The following KIF5C variants were observed in gnomAD, a reference collection of about 807,000 sequenced individuals.
KIF5C encodes the protein kinesin family member 5C, also known as kinesin heavy chain isoform 5C.
KIF5C carries 18 observed loss-of-function variants against 125.2 expected under a neutral mutation model. The ratio of observed to expected loss-of-function variants is 0.14; its 90% CI spans 0.10 to 0.21. The LOEUF (loss-of-function observed/expected upper bound fraction) is 0.21. Among genes scored for constraint, KIF5C ranks in the 10% least tolerant of loss-of-function variants. KIF5C has a pLI of 1.00. For missense variants in KIF5C, 780 were observed against 1,183.8 expected (o/e 0.66, Z 5.01); for synonymous variants, 405 against 434.0 (o/e 0.93, Z 0.83).
chr2:149,008,991 G>GTT (rs200099380), intron 23 of KIF5C, among the ~76,000 whole-genome samples: 57 of 134,362 alleles, frequency 4.2e-4, no homozygotes, highest in African/African-American at 6.1e-4. Context: ...TTTTTTTAAT[G>GTT]TTTTTTTTTT....
Position 149,011,603 on chromosome 2 carries a change from C to T in KIF5C, c.2801C>T (p.Ser934Leu), listed in dbSNP as rs1682199458. 6.2e-7 allele frequency: 1 copy of T among 1,614,094 alleles called. No individual in the cohort carries two copies. Among genetic ancestry groups the T allele is most frequent in the Non-Finnish European group, 8.5e-7 (1 of 1,179,902 alleles). ...ATCCGCCCCGGACACTACCCGGCCT[C>T]ATCTCCAACGGCCGTCCATGCCATT... is the stretch of plus-strand genomic sequence containing the variant. ...KPIRPGHYPASSPTAVHAIRG... is the reference protein window; with the variant it reads ...KPIRPGHYPALSPTAVHAIRG... Residue 934 changes from serine (S) to leucine (L), a missense_variant, in exon 25 of 26, where the codon TCA (serine) becomes TTA (leucine). By Grantham distance (145) the Ser-to-Leu change is moderately radical. Coordinates refer to ENST00000435030, the MANE Select transcript of KIF5C (RefSeq NM_004522.3).
At chr2:148,954,100 T>C (rs1432720575) in intron 10 of KIF5C, among the ~76,000 whole-genome samples, 1 of 148,132 alleles carries the variant, frequency 6.8e-6, no homozygotes, top group Non-Finnish European at 1.5e-5. Context: ...CTCCCACTTA[T>C]GAGTGAGAAC....
intron 1 of KIF5C, among the ~76,000 whole-genome samples, chr2:148,885,021 A>C (rs1397464013): frequency 6.9e-6 from 1 of 144,198 alleles, no homozygotes; most frequent in Non-Finnish European, 1.5e-5. Context: ...CCCAGGCTGG[A>C]GTGCAATGGC....
chr2:148,965,433 A>G (rs1306897963), intron 11 of KIF5C, among the ~76,000 whole-genome samples: 1 of 152,160 alleles, frequency 6.6e-6, no homozygotes, highest in East Asian at 1.9e-4. Context: ...TTTCCTCCCC[A>G]GCTAACATTT....
intron 12 of KIF5C, among the ~76,000 whole-genome samples, chr2:148,974,227 T>C (rs1200132574): frequency 6.6e-6 from 1 of 152,254 alleles, no homozygotes; most frequent in Non-Finnish European, 1.5e-5. Context: ...GATCTTGGCA[T>C]GTTGCCCTTG....
Position 149,025,969 on chromosome 2 carries a change from G to A in KIF5C, c.*2899G>A, listed in dbSNP as rs1682677603. On this transcript the variant is annotated 3_prime_UTR_variant, in exon 26 of 26. Transcript: ENST00000435030. The stretch of plus-strand genomic sequence containing the variant: ...AGAAATCAGAATTTATAGATATATT[G>A]GGATAAATGAAGAAATAAAAATGTT... 1 of 152,542 alleles carries A rather than the reference G, an allele frequency of 6.6e-6. No homozygotes were observed. The highest frequency in any genetic ancestry group is 2.1e-4 in the South Asian group (1 of 4,826). 9.4% of individuals were successfully genotyped at this position (152,542 alleles called of 1,614,324 possible).
chr2:148,982,366 G>A (rs1398618993), intron 14 of KIF5C, among the ~76,000 whole-genome samples: 1 of 152,214 alleles, frequency 6.6e-6, no homozygotes, highest in East Asian at 1.9e-4. Flanking sequence ...GGGTGGTGGA[G>A]AAGCTGACTG....
intron 10 of KIF5C, among the ~76,000 whole-genome samples, chr2:148,954,307 G>A (rs1041753920): frequency 2.0e-5 from 3 of 152,158 alleles, no homozygotes; most frequent in African/African-American, 4.8e-5. Flanking sequence ...CTTGAATTAC[G>A]AGGCAGTAGA....
chr2:148,918,809 T>C (rs1681663706), intron 1 of KIF5C, among the ~76,000 whole-genome samples: 1 of 152,162 alleles, frequency 6.6e-6, no homozygotes, highest in Non-Finnish European at 1.5e-5. Context: ...AGGAAGCTCA[T>C]TTTAGCTGCT....
At chr2:148,988,833 G>A (rs148116127) in intron 15 of KIF5C, among the ~76,000 whole-genome samples, 1 of 152,194 alleles carries the variant, frequency 6.6e-6, no homozygotes, top group Admixed American at 6.5e-5. Context: ...AGTAAAATGG[G>A]TTTAACAAGG....
intron 1 of KIF5C, among the ~76,000 whole-genome samples, chr2:148,900,582 T>C (rs540951256): frequency 1.3e-5 from 2 of 152,348 alleles, no homozygotes; most frequent in South Asian, 4.1e-4. Context: ...CTGCCTCCTT[T>C]CTGACAGTTA....
chr2:148,990,799 T>C (rs1681504358), intron 15 of KIF5C, among the ~76,000 whole-genome samples: 2 of 152,148 alleles, frequency 1.3e-5, no homozygotes, highest in South Asian at 2.1e-4. Context: ...TAATTGAGGA[T>C]TATATTTAGT....
At position 149,025,418 on chromosome 2, in the gene KIF5C, A is replaced by G. The variant is rs971304694; in HGVS notation, c.*2348A>G. On this transcript the variant is annotated 3_prime_UTR_variant, in exon 26 of 26. Transcript: ENST00000435030. The stretch of plus-strand genomic sequence containing the variant: ...TGGATCCTTAAATATTGCTATGTAT[A>G]ATAAGCCAGTTATTATATCAGGACC... The G allele has an allele frequency of 4.6e-5, 7 of 152,636 alleles. No individual in the cohort carries two copies. Among genetic ancestry groups the G allele is most frequent in the African/African-American group, 1.7e-4 (7 of 41,452 alleles). The allele number at this position is 152,636 out of a possible 1,614,324, so 9.5% of individuals were successfully genotyped here.
intron 7 of KIF5C, among the ~76,000 whole-genome samples, chr2:148,943,810 C>T (rs1431023961): frequency 6.6e-6 from 1 of 152,164 alleles, no homozygotes; most frequent in Non-Finnish European, 1.5e-5. Flanking sequence ...ATTCTGTGGT[C>T]CAGAACTGTA....
At chr2:148,979,977 T>G (rs1192638450) in intron 13 of KIF5C, among the ~76,000 whole-genome samples, 2 of 152,198 alleles carry the variant, frequency 1.3e-5, no homozygotes, top group Admixed American at 6.5e-5. Flanking sequence ...TGTTGTTTTC[T>G]TTTGTGCTTT....
At chr2:148,992,348 TA>T (rs1681549745) in intron 16 of KIF5C, among the ~76,000 whole-genome samples, 1 of 152,206 alleles carries the variant, frequency 6.6e-6, no homozygotes, top group Admixed American at 6.5e-5. Context: ...TCAGAAACCA[TA>T]AAAATGTAAG....
At chr2:148,946,054 CT>C (rs1346245203) in intron 7 of KIF5C, among the ~76,000 whole-genome samples, 2 of 151,868 alleles carry the variant, frequency 1.3e-5, no homozygotes, top group Admixed American at 6.6e-5. Context: ...GTAGTTTATT[CT>C]TTTTTTGCTA....
chr2:148,977,242 T>TA (rs1162794646), intron 12 of KIF5C, among the ~76,000 whole-genome samples: 1 of 152,218 alleles, frequency 6.6e-6, no homozygotes. Context: ...CACTGTACCT[T>TA]AAAAATCACT....
intron 10 of KIF5C, among the ~76,000 whole-genome samples, chr2:148,954,115 G>A (rs556107852): frequency 1.3e-5 from 2 of 149,900 alleles, no homozygotes; most frequent in South Asian, 4.2e-4. Context: ...GAGAACATGC[G>A]GTGTTTGGTT....
Sources: gnomAD v4.1 joint callset for allele counts (sites outside exome capture counted in the v4.1 genomes callset) on GRCh38, gnomAD v4.1.1 for gene constraint, MANE v1.5 for transcripts, NCBI Gene and HGNC (gene_info 2026-07-23, HGNC 2026-07-21) for gene names.